ZNF367: variants seen among roughly 807,000 people sequenced by gnomAD.
ZNF367 encodes the protein C2H2 zinc finger protein ZFF29.
A neutral mutation model predicts 31.8 loss-of-function variants in ZNF367; 11 were observed. The observed-to-expected ratio is 0.35, with a 90% CI of 0.22 to 0.57. ZNF367 has a LOEUF of 0.57. Ranked by LOEUF, ZNF367 falls within the 20% of genes least tolerant of loss-of-function variation. The probability of loss-of-function intolerance (pLI) is 0.85; values close to 1 mark genes in which losing one functional copy is unlikely to be tolerated. For missense variants in ZNF367, 353 were observed against 484.1 expected (o/e 0.73, Z 2.54); for synonymous variants, 199 against 202.4 (o/e 0.98, Z 0.14).
At chr9:96,412,836 T>C (rs779030310) in intron 1 of ZNF367, among the ~76,000 whole-genome samples, 1 of 151,774 alleles carries the variant, frequency 6.6e-6, no homozygotes, top group African/African-American at 2.4e-5. Context: ...GCCGGGACTA[T>C]AGGTGTGCAC....
Position 96,417,371 on chromosome 9 carries a change from C to T in ZNF367, c.420+242G>A, listed in dbSNP as rs35590230. On this transcript the variant is annotated intron_variant, in intron 1 of 4. Transcript: ENST00000375256. This position sits in a 1 kb window ranked among gnomAD's most constrained non-coding sequence, Gnocchi z 5.0. ...CGGCCTCCCCAGCGACCCCGGGCCG[C>T]GCTCCCGCCCACTGCACCTGCCGCA... Among the ~76,000 whole-genome samples, 3,824 of 152,046 alleles carry T rather than the reference C, an allele frequency of 0.025. 72 individuals carry two copies. The highest frequency in any genetic ancestry group is 0.054 in the Middle Eastern group (16 of 294).
At position 96,386,587 on chromosome 9, in the gene ZNF367, T is replaced by C. The variant is rs952562751; in HGVS notation, c.*1650A>G. On this transcript the variant is annotated 3_prime_UTR_variant, in exon 5 of 5. Coordinates refer to ENST00000375256, the MANE Select transcript of ZNF367 (RefSeq NM_153695.4). ...ATTCTTAGACCATTACAAATATAAA[T>C]TCTCTTATTACAAAAAAATCCCTAA... 3 of 151,700 alleles carry C rather than the reference T, an allele frequency of 2.0e-5. No homozygotes were observed. The highest frequency in any genetic ancestry group is 4.4e-5 in the Non-Finnish European group (3 of 67,742). 9.4% of individuals were successfully genotyped at this position (151,700 alleles called of 1,614,324 possible).
chr9:96,401,919 A>G (rs1212572196), intron 1 of ZNF367, among the ~76,000 whole-genome samples: 24 of 151,910 alleles, frequency 1.6e-4, no homozygotes, highest in Non-Finnish European at 2.9e-5. Flanking sequence ...GGATCACTTG[A>G]GCCCAGGAGT....
chr9:96,400,836 A>G (rs1831593964), intron 1 of ZNF367, among the ~76,000 whole-genome samples: 1 of 152,220 alleles, frequency 6.6e-6, no homozygotes, highest in Non-Finnish European at 1.5e-5. Flanking sequence ...AACATCCAAG[A>G]AGCTCAATAC....
At chr9:96,414,892 G>C (rs1831797799) in intron 1 of ZNF367, among the ~76,000 whole-genome samples, 1 of 152,120 alleles carries the variant, frequency 6.6e-6, no homozygotes, top group Non-Finnish European at 1.5e-5. Context: ...TCCAGAACTA[G>C]ATTAATCTAT....
intron 2 of ZNF367, among the ~76,000 whole-genome samples, chr9:96,397,110 C>T (rs1286839409): frequency 6.6e-6 from 1 of 152,102 alleles, no homozygotes; most frequent in Non-Finnish European, 1.5e-5. Context: ...TCAATTTAGA[C>T]TACCCACATT....
rs1237863831 is a variant in ZNF367, at chr9:96,386,059, A to T, written c.*2178T>A. 1.3e-5 allele frequency: 2 copies of T among 152,176 alleles called. No individual in the cohort carries two copies. The highest frequency in any genetic ancestry group is 3.8e-4 in the East Asian group (2 of 5,206). 9.4% of individuals were successfully genotyped at this position (152,176 alleles called of 1,614,324 possible). On this transcript the variant is annotated 3_prime_UTR_variant, in exon 5 of 5. Coordinates refer to ENST00000375256, the MANE Select transcript of ZNF367 (RefSeq NM_153695.4). The stretch of plus-strand genomic sequence containing the variant: ...CATATGAAGCATAAAACACTTCAAA[A>T]ATTTGAATGTAAACCATTTTTTAAA...
intron 2 of ZNF367, among the ~76,000 whole-genome samples, chr9:96,396,660 G>A (rs1170473624): frequency 6.6e-6 from 1 of 151,632 alleles, no homozygotes; most frequent in African/African-American, 2.4e-5. Flanking sequence ...AAGAGAAAGA[G>A]GTGAAATAAA....
At chr9:96,388,501 A>T in intron 4 of ZNF367, 42 bp from the exon 5 acceptor site, 1 of 1,546,120 alleles carries the variant, frequency 6.5e-7, no homozygotes, top group Non-Finnish European at 8.8e-7. Flanking sequence ...GCAGACATGA[A>T]ATTTCCAAAT....
chr9:96,405,314 C>CAAAAAAAAA (rs975848691), intron 1 of ZNF367, among the ~76,000 whole-genome samples: 71 of 55,100 alleles, frequency 1.3e-3, no homozygotes, highest in South Asian at 3.0e-3. Context: ...AACTCTGTCT[C>CAAAAAAAAA]AAAAAAAAAA....
intron 1 of ZNF367, among the ~76,000 whole-genome samples, chr9:96,410,575 A>AAC (rs1831733950): frequency 2.7e-5 from 4 of 147,584 alleles, no homozygotes; most frequent in South Asian, 2.2e-4. Flanking sequence ...AAAAAAAAAA[A>AAC]AAAACAAAAA....
chr9:96,399,949 T>C (rs1346936219), intron 1 of ZNF367, among the ~76,000 whole-genome samples: 2 of 152,168 alleles, frequency 1.3e-5, no homozygotes, highest in East Asian at 1.9e-4. Context: ...CTACAACTCA[T>C]AGCAAACAAC....
Position 96,392,343 on chromosome 9 carries a change from T to C in ZNF367, c.830+55A>G, listed in dbSNP as rs774634427. 9.9e-6 allele frequency: 16 copies of C among 1,612,590 alleles called. No homozygotes were observed. In the Admixed American group the frequency reaches 2.5e-4, roughly 25 times the overall value. On this transcript the variant is annotated intron_variant, in intron 4 of 4. Coordinates refer to ENST00000375256, the MANE Select transcript of ZNF367 (RefSeq NM_153695.4). ...GAGAGGCATGTCCAGGTCCCTGACA[T>C]AGCCCCAGCCCGCGCTGTGCATCTT...
chr9:96,388,127 C>A lies in ZNF367; in HGVS notation c.*110G>T. ...CAATAACATTCTTCATAAATTTCTA[C>A]AGAATAGCAGCCTATGATAAGCAAA... On this transcript the variant is annotated 3_prime_UTR_variant, in exon 5 of 5. Transcript: ENST00000375256. The A allele has an allele frequency of 9.4e-7, 1 of 1,063,914 alleles. No homozygotes were observed. The highest frequency in any genetic ancestry group is 1.3e-6 in the Non-Finnish European group (1 of 749,178). The allele number at this position is 1,063,914 out of a possible 1,614,324, so 65.9% of individuals were successfully genotyped here.
chr9:96,411,866 C>T (rs761258478), intron 1 of ZNF367, among the ~76,000 whole-genome samples: 5 of 152,064 alleles, frequency 3.3e-5, no homozygotes, highest in South Asian at 4.1e-4. Context: ...CTGGCTCTGT[C>T]GCCCAGGCTA....
intron 3 of ZNF367, among the ~76,000 whole-genome samples, chr9:96,393,677 CA>C (rs965705577): frequency 1.3e-5 from 2 of 151,580 alleles, no homozygotes; most frequent in African/African-American, 4.8e-5. Context: ...ACTAAAAATA[CA>C]AAATTAACTG....
Position 96,387,162 on chromosome 9 carries a change from T to C in ZNF367, c.*1075A>G, listed in dbSNP as rs949478523. The C allele has an allele frequency of 6.6e-6, 1 of 152,228 alleles. No homozygotes were observed. The highest frequency in any genetic ancestry group is 2.4e-5 in the African/African-American group (1 of 41,474). 9.4% of individuals were successfully genotyped at this position (152,228 alleles called of 1,614,324 possible). A position where few individuals can be genotyped will look rare whatever the true frequency, so the allele number is the denominator to read the frequency against. On this transcript the variant is annotated 3_prime_UTR_variant, in exon 5 of 5. Transcript: ENST00000375256. ...GAAGCCTACTTATTTGAGTAGCTAA[T>C]ATTTTCTGCAGTGTTTAACTGATAG...
In ZNF367 at chr9:96,394,812, T is replaced by C; in HGVS notation, c.691+11A>G. 6.2e-7 allele frequency: 1 copy of C among 1,613,202 alleles called. No homozygotes were observed. Among genetic ancestry groups the C allele is most frequent in the South Asian group, 1.1e-5 (1 of 90,930 alleles). ...CTAGTTATTCCATAAACTTAACTTCTAACACCGTACCATTTTCTGAACAAA... is the reference window on the plus strand; with the variant it reads ...CTAGTTATTCCATAAACTTAACTTCCAACACCGTACCATTTTCTGAACAAA... On this transcript the variant is annotated intron_variant, in intron 3 of 4. Transcript: ENST00000375256.
At chr9:96,389,815 C>T (rs1002667718) in intron 4 of ZNF367, among the ~76,000 whole-genome samples, 2 of 151,728 alleles carry the variant, frequency 1.3e-5, no homozygotes, top group Non-Finnish European at 2.9e-5. Context: ...CTGCAACCTT[C>T]GCCTCCTGGG....
Sources: gnomAD v4.1 joint callset for allele counts (sites outside exome capture counted in the v4.1 genomes callset) on GRCh38, gnomAD v4.1.1 for gene constraint, Gnocchi (gnomAD v3.1) non-coding constraint, MANE v1.5 for transcripts, NCBI Gene and HGNC (gene_info 2026-07-23, HGNC 2026-07-21) for gene names.